The following DMD variants were observed in gnomAD, a reference collection of about 807,000 sequenced individuals.
The protein encoded by DMD is dystrophin, also known as mutant dystrophin.
Under a neutral mutation model 330.1 loss-of-function variants are expected in DMD, and 63 were observed. The ratio of observed to expected loss-of-function variants is 0.19; its 90% CI spans 0.16 to 0.24. DMD has a LOEUF of 0.24. Ranked by LOEUF, DMD falls within the 10% of genes least tolerant of loss-of-function variation. The pLI is 1.00. For synonymous variants in DMD, 1,223 were observed against 959.8 expected (o/e 1.27, Z -5.07); for missense variants, 3,344 against 2,684.1 (o/e 1.25, Z -5.43).
At chrX:32,274,176 G>A (rs1471209490) in intron 43 of DMD, among the ~76,000 whole-genome samples, 1 of 111,470 alleles carries the variant, frequency 9.0e-6, no homozygotes, top group African/African-American at 3.3e-5. Context: ...TTTTTCCTTT[G>A]ACAATAATAA....
At chrX:32,971,731 A>G (rs1220076035) in intron 2 of DMD, among the ~76,000 whole-genome samples, 1 of 110,999 alleles carries the variant, frequency 9.0e-6, no homozygotes, top group Non-Finnish European at 1.9e-5. Context: ...TATGTTCTAT[A>G]GTATTAAAAG....
intron 47 of DMD, among the ~76,000 whole-genome samples, chrX:31,926,678 A>T (rs1275292636): frequency 9.2e-6 from 1 of 109,144 alleles, no homozygotes; most frequent in Non-Finnish European, 1.9e-5. Context: ...TCTGTCTCAA[A>T]AAATAAATAA....
rs913280722 is a variant in DMD, at chrX:33,232,958, G to T, written c.7+106301C>A. Among the ~76,000 whole-genome samples the T allele has an allele frequency of 4.8e-4, 54 of 111,649 alleles. 1 individual carries two copies. The highest frequency in any genetic ancestry group is 1.7e-3 in the African/African-American group (53 of 30,759). On this transcript the variant is annotated intron_variant, in intron 1 of 17. Coordinates refer to the DMD transcript ENST00000288447. ...GTCCTACCGGGAAAAGAAAGATGTTGATCAAAGGGTACGAATTTTTAGTTA... is the reference window on the plus strand; with the variant it reads ...GTCCTACCGGGAAAAGAAAGATGTTTATCAAAGGGTACGAATTTTTAGTTA...
intron 29 of DMD, among the ~76,000 whole-genome samples, chrX:32,419,450 G>A (rs187670020): frequency 1.8e-5 from 2 of 112,121 alleles, no homozygotes; most frequent in East Asian, 5.6e-4. Context: ...TCTTGTGAGG[G>A]GCTTTGGTAC....
At chrX:31,905,574 G>T (rs1191289459) in intron 47 of DMD, among the ~76,000 whole-genome samples, 1 of 110,337 alleles carries the variant, frequency 9.1e-6, no homozygotes, top group Non-Finnish European at 1.9e-5. Context: ...AAAAGATGAA[G>T]AGGGAGATTT....
At chrX:32,739,699 T>C (rs1207132513) in intron 7 of DMD, among the ~76,000 whole-genome samples, 1 of 111,589 alleles carries the variant, frequency 9.0e-6, no homozygotes, top group Non-Finnish European at 1.9e-5. Context: ...AAAGTACCAC[T>C]GTTGAAGTGT....
At chrX:33,326,151 G>T (rs1432202063) in intron 1 of DMD, among the ~76,000 whole-genome samples, 2 of 110,685 alleles carry the variant, frequency 1.8e-5, no homozygotes, top group South Asian at 7.6e-4. Context: ...CAATGGAAAT[G>T]ATGTCACCTT....
chrX:32,457,367 G>A (rs780420222), intron 25 of DMD, among the ~76,000 whole-genome samples: 10 of 110,972 alleles, frequency 9.0e-5, no homozygotes, highest in Non-Finnish European at 1.7e-4. Context: ...AACGGGAATG[G>A]AGAGGTTGCT....
At chrX:32,865,758 C>A (rs750204953) in intron 2 of DMD, among the ~76,000 whole-genome samples, 2 of 112,495 alleles carry the variant, frequency 1.8e-5, no homozygotes, top group Admixed American at 1.9e-4. Context: ...TTAGGAAAAA[C>A]CAATATTGGC....
At chrX:31,310,193 CTCTCTCTCTCTCCATAT>C (rs1569523662) in intron 62 of DMD, among the ~76,000 whole-genome samples, 2 of 76,007 alleles carry the variant, frequency 2.6e-5, no homozygotes, top group African/African-American at 1.3e-4. Flanking sequence ...CTCTCTCTCT[CTCTCTCTCTCTCCATAT>C]ATATATATAT....
chrX:33,318,546 C>T (rs1386904117), intron 1 of DMD, among the ~76,000 whole-genome samples: 5 of 107,349 alleles, frequency 4.7e-5, no homozygotes, highest in Non-Finnish European at 9.6e-5. Flanking sequence ...CTCCCAGGTT[C>T]GAGTGATTCT....
At chrX:33,194,493 A>T (rs1320481199) in intron 1 of DMD, among the ~76,000 whole-genome samples, 1 of 111,328 alleles carries the variant, frequency 9.0e-6, no homozygotes, top group Non-Finnish European at 1.9e-5. Flanking sequence ...TAATTATGGA[A>T]CTATCATCAT....
chrX:32,583,775 G>T (rs1421825616), intron 13 of DMD: 1 of 112,106 alleles, frequency 8.9e-6, no homozygotes, highest in African/African-American at 3.3e-5. Context: ...GATCTATATG[G>T]GAAAAAATGG....
intron 62 of DMD, among the ~76,000 whole-genome samples, chrX:31,299,974 A>C (rs1329155840): frequency 9.0e-6 from 1 of 111,633 alleles, no homozygotes; most frequent in Non-Finnish European, 1.9e-5. Context: ...AACAAAAATA[A>C]TTCTATTCTC....
chrX:31,369,377 T>C (rs1220954048), intron 60 of DMD, among the ~76,000 whole-genome samples: 2 of 112,294 alleles, frequency 1.8e-5, no homozygotes, highest in African/African-American at 6.5e-5. Flanking sequence ...TTAGAGGCTA[T>C]GTAGCATTTG....
At chrX:32,668,126 C>A (rs111326123) in intron 9 of DMD, among the ~76,000 whole-genome samples, 97 of 109,272 alleles carry the variant, frequency 8.9e-4, no homozygotes, top group African/African-American at 3.1e-3. Context: ...GCCAGCCTGG[C>A]GACAGAGGGA....
chrX:31,752,364 A>G (rs1178236541), intron 51 of DMD, among the ~76,000 whole-genome samples: 2 of 111,119 alleles, frequency 1.8e-5, no homozygotes, highest in East Asian at 2.9e-4. Context: ...ACTATGTGTC[A>G]TCGACAAGAG....
chrX:32,397,799 A>C, intron 30 of DMD, among the ~76,000 whole-genome samples: 1 of 111,589 alleles, frequency 9.0e-6, no homozygotes, highest in Non-Finnish European at 1.9e-5. Flanking sequence ...TAGTAACAGA[A>C]AATGGCCAGC....
chrX:32,588,458 G>C (rs2054531505), intron 13 of DMD, among the ~76,000 whole-genome samples: 1 of 112,264 alleles, frequency 8.9e-6, no homozygotes, highest in African/African-American at 3.2e-5. Context: ...CAGGGTATCA[G>C]AAACAGCTTG....
Sources: allele counts gnomAD v4.1 joint callset (sites outside exome capture counted in the v4.1 genomes callset), GRCh38; gene constraint gnomAD v4.1.1; transcripts MANE v1.5; gene names NCBI Gene and HGNC (gene_info 2026-07-23, HGNC 2026-07-21).